CDH18: variants seen among roughly 807,000 people sequenced by gnomAD.
CDH18 encodes cadherin-18.
A neutral mutation model predicts 67.9 loss-of-function variants in CDH18; 31 were observed. That is an observed-to-expected ratio of 0.46 (90% CI 0.34 to 0.62). The LOEUF (loss-of-function observed/expected upper bound fraction) is 0.62. CDH18 is among the 20% of genes least tolerant of loss of function. The pLI, the probability that CDH18 is intolerant of heterozygous loss-of-function variation, is 0.01. For missense variants in CDH18, 890 were observed against 975.5 expected (o/e 0.91, Z 1.17); for synonymous variants, 362 against 347.2 (o/e 1.04, Z -0.48).
At chr5:19,654,203 T>G (rs2150282687) in intron 5 of CDH18, among the ~76,000 whole-genome samples, 1 of 152,264 alleles carries the variant, frequency 6.6e-6, no homozygotes, top group Non-Finnish European at 1.5e-5. Flanking sequence ...CATTTTGGTC[T>G]TGGGTTTAAT....
intron 2 of CDH18, among the ~76,000 whole-genome samples, chr5:20,020,991 G>C (rs913960495): frequency 3.3e-5 from 5 of 151,838 alleles, no homozygotes; most frequent in African/African-American, 4.8e-5. Context: ...AGCCACCGGG[G>C]TGAAGGTTCT....
At chr5:20,406,535 C>T (rs1354199147) in intron 1 of CDH18, among the ~76,000 whole-genome samples, 1 of 151,524 alleles carries the variant, frequency 6.6e-6, no homozygotes, top group Non-Finnish European at 1.5e-5. Flanking sequence ...ATGTAATGAA[C>T]CTGTACGTTG....
intron 2 of CDH18, among the ~76,000 whole-genome samples, chr5:19,957,820 A>C: frequency 6.9e-6 from 1 of 145,222 alleles, no homozygotes; most frequent in Admixed American, 7.0e-5. Context: ...TCAGAGTTAA[A>C]GGATTCTGCT....
At chr5:19,902,593 C>T (rs987636314) in intron 2 of CDH18, among the ~76,000 whole-genome samples, 1 of 151,478 alleles carries the variant, frequency 6.6e-6, no homozygotes, top group Admixed American at 6.6e-5. Flanking sequence ...CTCCAGCCAA[C>T]GGCAATCTTG....
At chr5:20,290,398 G>A (rs1373475508) in intron 1 of CDH18, among the ~76,000 whole-genome samples, 2 of 152,118 alleles carry the variant, frequency 1.3e-5, no homozygotes, top group Non-Finnish European at 2.9e-5. Flanking sequence ...AAGATTAGAG[G>A]TGGGGAAGAT....
intron 1 of CDH18, among the ~76,000 whole-genome samples, chr5:20,300,484 T>C (rs11954482): frequency 0.055 from 8,369 of 152,114 alleles, 583 homozygotes; most frequent in African/African-American, 0.16. Flanking sequence ...TTTAACATAC[T>C]TTTTAGGGCA....
At chr5:19,910,883 A>C (rs952185501) in intron 2 of CDH18, among the ~76,000 whole-genome samples, 1 of 152,268 alleles carries the variant, frequency 6.6e-6, no homozygotes, top group East Asian at 1.9e-4. Flanking sequence ...GAAAAGATAT[A>C]TACGTAAGGA....
intron 2 of CDH18, among the ~76,000 whole-genome samples, chr5:20,255,247 G>A (rs1185294636): frequency 6.6e-6 from 1 of 152,028 alleles, no homozygotes; most frequent in Non-Finnish European, 1.5e-5. Flanking sequence ...AACAAAAGTT[G>A]AGTTTCTTAA....
intron 2 of CDH18, among the ~76,000 whole-genome samples, chr5:20,180,819 C>T (rs1372557787): frequency 6.6e-6 from 1 of 152,054 alleles, no homozygotes; most frequent in Non-Finnish European, 1.5e-5. Context: ...GAGAGAGCTC[C>T]GTTGCATTGC....
chr5:19,668,267 G>T (rs1406168932), intron 5 of CDH18, among the ~76,000 whole-genome samples: 1 of 151,908 alleles, frequency 6.6e-6, no homozygotes, highest in Non-Finnish European at 1.5e-5. Context: ...GTATTTGAAT[G>T]CTCTTGTGAA....
chr5:20,238,799 C>T (rs190159576), intron 2 of CDH18, among the ~76,000 whole-genome samples: 2 of 152,160 alleles, frequency 1.3e-5, no homozygotes, highest in Non-Finnish European at 2.9e-5. Flanking sequence ...TTGATAGATG[C>T]ATGCTAAACA....
chr5:19,709,133 C>A (rs1317651831), intron 5 of CDH18, among the ~76,000 whole-genome samples: 4 of 152,130 alleles, frequency 2.6e-5, no homozygotes, highest in Non-Finnish European at 4.4e-5. Context: ...CTGGCACTTA[C>A]CCCTCAACTG....
At position 20,546,748 on chromosome 5, in the gene CDH18, T is replaced by TACACACACACACAC. The variant is rs72287076; in HGVS notation, c.-580+28713_-580+28714insGTGTGTGTGTGTGT. The stretch of plus-strand genomic sequence containing the variant: ...AGTCAAACCATATCACATACATACA[T>TACACACACACACAC]AGACACACACACACACACACATATG... On this transcript the variant is annotated intron_variant, in intron 1 of 14. Transcript: ENST00000507958. Among the ~76,000 whole-genome samples the TACACACACACACAC allele has an allele frequency of 6.3e-3, 898 of 141,488 alleles. 11 individuals carry two copies. The highest frequency in any genetic ancestry group is 0.022 in the African/African-American group (818 of 37,132). 92.8% of individuals were successfully genotyped at this position (141,488 alleles called of 152,430 possible).
chr5:20,211,666 C>T (rs550870953), intron 2 of CDH18, among the ~76,000 whole-genome samples: 4 of 152,298 alleles, frequency 2.6e-5, no homozygotes, highest in Non-Finnish European at 4.4e-5. Context: ...TCCAACAGAC[C>T]TGCAGCTGAG....
At position 20,572,290 on chromosome 5, in the gene CDH18, T is replaced by C. The variant is rs568728931; in HGVS notation, c.-580+3172A>G. 2.0e-5 allele frequency among the ~76,000 whole-genome samples: 3 copies of C among 152,202 alleles called. No individual in the cohort carries two copies. In the South Asian group the frequency reaches 6.2e-4, roughly 32 times the overall value. ...TCTTGTCTCCTGAAAGCAAACTGCA[T>C]GGAAGCCACAGTCATTGAGTTTCGG... On this transcript the variant is annotated intron_variant, in intron 1 of 14. Transcript: ENST00000507958.
chr5:20,102,724 A>C (rs1746579195), intron 2 of CDH18, among the ~76,000 whole-genome samples: 1 of 152,170 alleles, frequency 6.6e-6, no homozygotes, highest in Non-Finnish European at 1.5e-5. Context: ...AAGCCAAAAC[A>C]AAAGAAATAG....
At chr5:20,358,409 C>T (rs1430318977) in intron 1 of CDH18, among the ~76,000 whole-genome samples, 2 of 152,068 alleles carry the variant, frequency 1.3e-5, no homozygotes, top group African/African-American at 4.8e-5. Flanking sequence ...AAAACACATC[C>T]CATTTCCTAT....
At chr5:19,577,294 C>T (rs1580305326) in intron 7 of CDH18, among the ~76,000 whole-genome samples, 2 of 152,172 alleles carry the variant, frequency 1.3e-5, no homozygotes, top group Non-Finnish European at 1.5e-5. Context: ...CAGACATGTA[C>T]CAATCACATT....
At chr5:19,609,662 C>A (rs2150099552) in intron 6 of CDH18, among the ~76,000 whole-genome samples, 1 of 152,064 alleles carries the variant, frequency 6.6e-6, no homozygotes, top group African/African-American at 2.4e-5. Context: ...GAGGAAAAAA[C>A]ACTTTGAGAG....
Sources: gnomAD v4.1 joint callset for allele counts (sites outside exome capture counted in the v4.1 genomes callset) on GRCh38, gnomAD v4.1.1 for gene constraint, MANE v1.5 for transcripts, NCBI Gene and HGNC (gene_info 2026-07-23, HGNC 2026-07-21) for gene names.